The following GALNT13 variants were observed in gnomAD, a reference collection of about 807,000 sequenced individuals.
GALNT13 encodes polypeptide N-acetylgalactosaminyltransferase 13.
Under a neutral mutation model 64.2 loss-of-function variants are expected in GALNT13, and 28 were observed. The observed-to-expected ratio is 0.44, with a 90% confidence interval of 0.32 to 0.60. The LOEUF is 0.60. GALNT13 is among the 20% of genes least tolerant of loss of function. GALNT13 has a pLI of 0.05. For synonymous variants in GALNT13, 214 were observed against 224.6 expected (o/e 0.95, Z 0.42); for missense variants, 577 against 669.8 (o/e 0.86, Z 1.53).
chr2:153,952,898 G>T (rs750331003), intron 3 of GALNT13, among the ~76,000 whole-genome samples: 15 of 152,114 alleles, frequency 9.9e-5, no homozygotes, highest in Non-Finnish European at 1.8e-4. Flanking sequence ...ATGTTCGAGG[G>T]CAGGGAGCAT....
chr2:154,154,823 A>G (rs868012624), intron 4 of GALNT13, among the ~76,000 whole-genome samples: 48 of 152,162 alleles, frequency 3.2e-4, no homozygotes, highest in African/African-American at 1.1e-3. Flanking sequence ...GTATATTTTC[A>G]ACTGATTTTC....
intron 1 of GALNT13, among the ~76,000 whole-genome samples, chr2:153,885,562 G>A (rs1167986268): frequency 6.6e-6 from 1 of 151,954 alleles, no homozygotes; most frequent in Non-Finnish European, 1.5e-5. Context: ...AAGCACTGAG[G>A]AATAATTTGA....
At position 154,259,145 on chromosome 2, in the gene GALNT13, G is replaced by A. The variant is rs778870457; in HGVS notation, c.975+7G>A. The A allele has an allele frequency of 3.5e-6, 5 of 1,434,892 alleles. No homozygotes were observed. The South Asian group carries it at 5.8e-5, about 17-fold the overall frequency. 88.9% of individuals were successfully genotyped at this position (1,434,892 alleles called of 1,614,324 possible). On this transcript the variant is annotated splice_region_variant and intron_variant, in intron 8 of 12. Transcript: ENST00000392825. ...TCTTGAAATGTCTTTTAGGGTAATT[G>A]CATTTTATTTTATTTTTTGATGCTG...
At chr2:153,162,715 T>A in the GALNT13 span, among the ~76,000 whole-genome samples, 1 of 152,214 alleles carries the variant, frequency 6.6e-6, no homozygotes, top group Non-Finnish European at 1.5e-5. Context: ...GGAACAATGT[T>A]CAGACCCCAT....
chr2:154,235,372 G>C (rs1573929212), intron 4 of GALNT13, among the ~76,000 whole-genome samples: 1 of 152,048 alleles, frequency 6.6e-6, no homozygotes, highest in East Asian at 1.9e-4. Context: ...AGAAACCCAT[G>C]CAAAATTTAG....
chr2:153,985,403 A>G (rs962625721), intron 3 of GALNT13, among the ~76,000 whole-genome samples: 3 of 151,932 alleles, frequency 2.0e-5, no homozygotes, highest in African/African-American at 7.2e-5. Context: ...TTGTGTCAAG[A>G]ATTTCCTTCC....
At chr2:153,258,167 A>G in the GALNT13 span, among the ~76,000 whole-genome samples, 1 of 152,222 alleles carries the variant, frequency 6.6e-6, no homozygotes, top group Admixed American at 6.5e-5. Flanking sequence ...GTAAAAAATA[A>G]TTATTCTTAT....
chr2:154,292,716 T>G (rs1377025727), intron 8 of GALNT13, among the ~76,000 whole-genome samples: 1 of 152,214 alleles, frequency 6.6e-6, no homozygotes, highest in East Asian at 1.9e-4. Context: ...AAAGGATGAC[T>G]TCGTGCCAGA....
the GALNT13 span, among the ~76,000 whole-genome samples, chr2:153,641,480 ATTG>A: frequency 6.6e-6 from 1 of 152,246 alleles, no homozygotes; most frequent in African/African-American, 2.4e-5. Context: ...ACCTGAAGGT[ATTG>A]TTCTCACTCA....
At chr2:153,660,250 C>T in the GALNT13 span, among the ~76,000 whole-genome samples, 1 of 151,974 alleles carries the variant, frequency 6.6e-6, no homozygotes, top group Non-Finnish European at 1.5e-5. Context: ...TGAGGGGTAA[C>T]CAGAATGTGA....
At chr2:153,880,765 A>AT (rs999383989) in intron 1 of GALNT13, among the ~76,000 whole-genome samples, 12 of 151,844 alleles carry the variant, frequency 7.9e-5, no homozygotes, top group African/African-American at 2.9e-4. Context: ...ATACCTTTTG[A>AT]TTTTTTTCTT....
chr2:153,372,808 C>T, the GALNT13 span, among the ~76,000 whole-genome samples: 1 of 152,204 alleles, frequency 6.6e-6, no homozygotes, highest in African/African-American at 2.4e-5. Flanking sequence ...TTTTGCTTAA[C>T]AAGTTAGTGT....
At chr2:153,599,727 TATC>T in the GALNT13 span, among the ~76,000 whole-genome samples, 1 of 152,054 alleles carries the variant, frequency 6.6e-6, no homozygotes, top group Non-Finnish European at 1.5e-5. Context: ...CTGGACATAT[TATC>T]ATAATATATA....
At chr2:153,794,887 T>C in the GALNT13 span, among the ~76,000 whole-genome samples, 1 of 152,166 alleles carries the variant, frequency 6.6e-6, no homozygotes, top group Non-Finnish European at 1.5e-5. Context: ...ATTTAAGCAA[T>C]GATAAATGTG....
the GALNT13 span, among the ~76,000 whole-genome samples, chr2:153,550,042 A>G: frequency 6.6e-6 from 1 of 152,152 alleles, no homozygotes; most frequent in African/African-American, 2.4e-5. Flanking sequence ...ATCTTGTGCC[A>G]AAGAGGAAGA....
the GALNT13 span, among the ~76,000 whole-genome samples, chr2:153,214,769 A>G: frequency 6.6e-6 from 1 of 152,170 alleles, no homozygotes; most frequent in Non-Finnish European, 1.5e-5. Context: ...AAAAACATTT[A>G]ATAAAAAAAT....
the GALNT13 span, among the ~76,000 whole-genome samples, chr2:153,746,003 A>G: frequency 3.9e-5 from 6 of 152,216 alleles, no homozygotes; most frequent in Non-Finnish European, 7.3e-5. Context: ...CTGGTTTCCC[A>G]GAATGCAATA....
chr2:153,666,461 T>C, the GALNT13 span, among the ~76,000 whole-genome samples: 2 of 152,132 alleles, frequency 1.3e-5, no homozygotes, highest in Non-Finnish European at 2.9e-5. Flanking sequence ...GGACTCCCCA[T>C]TGGAGTGGTG....
Position 154,140,422 on chromosome 2 carries a change from G to A in GALNT13, c.228G>A (p.Glu76=), listed in dbSNP as rs768232208. 1 of 1,612,430 alleles carries A rather than the reference G, an allele frequency of 6.2e-7. No individual in the cohort carries two copies. Reference sequence around the variant, plus strand: ...AAGATGACCAGGAGAAAATGAAAGAGCTGTTTAAAATCAATCAGTTTAACC... The same window carrying A: ...AAGATGACCAGGAGAAAATGAAAGAACTGTTTAAAATCAATCAGTTTAACC... ...IPKDDQEKMK[E]LFKINQFNLM... The change falls in exon 4 of 13, where the codon GAG becomes GAA. Residue 76 remains glutamate (E), a synonymous_variant. Transcript: ENST00000392825.
Sources: allele counts gnomAD v4.1 joint callset (sites outside exome capture counted in the v4.1 genomes callset), GRCh38; gene constraint gnomAD v4.1.1; transcripts MANE v1.5; gene names NCBI Gene and HGNC (gene_info 2026-07-23, HGNC 2026-07-21).